NTM: variants seen among roughly 807,000 people sequenced by gnomAD.
NTM encodes the protein IgLON family member 2.
A neutral mutation model predicts 42.1 loss-of-function variants in NTM; 13 were observed. The observed-to-expected ratio is 0.31, with a 90% CI of 0.20 to 0.49. NTM has a LOEUF of 0.49. Among genes scored for constraint, NTM ranks in the 20% least tolerant of loss-of-function variants. The pLI is 0.99. For synonymous variants in NTM, 187 were observed against 179.2 expected, an observed-to-expected ratio of 1.04 and a Z score of -0.35; for missense variants, 373 against 452.8, an observed-to-expected ratio of 0.82 and a Z score of 1.60.
intron 1 of NTM, among the ~76,000 whole-genome samples, chr11:131,568,418 CTT>C (rs1233908818): frequency 6.6e-6 from 1 of 152,218 alleles, no homozygotes; most frequent in Non-Finnish European, 1.5e-5. Flanking sequence ...AAGCTAAGCT[CTT>C]TGCCCAAAGT....
intron 3 of NTM, among the ~76,000 whole-genome samples, chr11:132,169,375 ACC>A (rs1164443965): frequency 5.7e-5 from 6 of 105,720 alleles, no homozygotes; most frequent in Non-Finnish European, 1.0e-4. Flanking sequence ...TCACTCTGTC[ACC>A]CAGGCTGGAG....
chr11:132,219,062 A>AC (rs1284807661), intron 4 of NTM, among the ~76,000 whole-genome samples: 1 of 151,952 alleles, frequency 6.6e-6, no homozygotes, highest in Non-Finnish European at 1.5e-5. Context: ...TTCTCCACAC[A>AC]CCACAGTCAC....
At chr11:132,109,794 C>A (rs1228125231) in intron 2 of NTM, among the ~76,000 whole-genome samples, 1 of 152,192 alleles carries the variant, frequency 6.6e-6, no homozygotes, top group Non-Finnish European at 1.5e-5. Flanking sequence ...CCTCACCTCC[C>A]TCCCACTCTT....
At chr11:131,606,282 T>C (rs2060951598) in intron 1 of NTM, among the ~76,000 whole-genome samples, 1 of 152,156 alleles carries the variant, frequency 6.6e-6, no homozygotes, top group Non-Finnish European at 1.5e-5. Context: ...TCCCGAACTC[T>C]TGGCCTCAAG....
intron 1 of NTM, among the ~76,000 whole-genome samples, chr11:131,891,180 C>T (rs1010836842): frequency 1.3e-5 from 2 of 152,140 alleles, no homozygotes; most frequent in South Asian, 4.1e-4. Flanking sequence ...TATGTTGACA[C>T]CCAACTATAT....
At chr11:131,773,559 G>T (rs543285302) in intron 1 of NTM, among the ~76,000 whole-genome samples, 2 of 152,236 alleles carry the variant, frequency 1.3e-5, no homozygotes, top group Admixed American at 1.3e-4. Context: ...ATTTTCTGTA[G>T]CTCCTTTTCA....
chr11:131,972,731 C>T (rs1237924277), intron 2 of NTM, among the ~76,000 whole-genome samples: 1 of 152,154 alleles, frequency 6.6e-6, no homozygotes, highest in Non-Finnish European at 1.5e-5. Context: ...TCTCAATAAC[C>T]ACCCTGGAAC....
intron 2 of NTM, among the ~76,000 whole-genome samples, chr11:132,066,828 C>T (rs1191133928): frequency 2.0e-5 from 3 of 152,274 alleles, no homozygotes; most frequent in African/African-American, 4.8e-5. Context: ...ATAATCTTCC[C>T]ATCTATGGAT....
chr11:131,803,400 C>G (rs1027513699), intron 1 of NTM, among the ~76,000 whole-genome samples: 1 of 152,000 alleles, frequency 6.6e-6, no homozygotes, highest in African/African-American at 2.4e-5. Flanking sequence ...GCTCTGCCTC[C>G]TGGGTTCAAG....
rs182790398 is a variant in NTM, at chr11:131,655,372, C to T, written c.83-256192C>T. ...ATTTCCAGACACTTGCTCCATCATC[C>T]GGGAGAAGATGCTAATTAGTAGCAT... On this transcript the variant is annotated intron_variant, in intron 1 of 8. Transcript: ENST00000683400. 3.9e-4 allele frequency among the ~76,000 whole-genome samples: 59 copies of T among 152,286 alleles called. No individual in the cohort carries two copies. In the East Asian group the frequency reaches 7.1e-3, roughly 18 times the overall value.
At chr11:131,633,158 TTTG>T (rs759101896) in intron 1 of NTM, among the ~76,000 whole-genome samples, 8 of 150,820 alleles carry the variant, frequency 5.3e-5, no homozygotes, top group Non-Finnish European at 1.0e-4. Context: ...ATTTATCATT[TTTG>T]TTGTTGTTAA....
At chr11:131,587,027 A>G (rs889415166) in intron 1 of NTM, among the ~76,000 whole-genome samples, 1 of 152,190 alleles carries the variant, frequency 6.6e-6, no homozygotes, top group Admixed American at 6.5e-5. Flanking sequence ...CTCAGAAAAG[A>G]GAAGGACACT....
rs532905084 is a variant in NTM, at chr11:131,614,161, G to A, written c.82+243273G>A. The stretch of plus-strand genomic sequence containing the variant: ...GAACTAGAAGCACAGACTTTAAGGA[G>A]CTGCCTCCCTCAGCGGGAGCTCCCT... On this transcript the variant is annotated intron_variant, in intron 1 of 8. Transcript: ENST00000683400. Among the ~76,000 whole-genome samples, 10 of 152,300 alleles carry A rather than the reference G, an allele frequency of 6.6e-5. No homozygotes were observed. In the East Asian group the frequency reaches 1.7e-3, roughly 27 times the overall value.
chr11:131,681,489 C>T lies in NTM; in HGVS notation c.83-230075C>T, dbSNP rs533367544. On this transcript the variant is annotated intron_variant, in intron 1 of 8. Coordinates refer to ENST00000683400, the MANE Select transcript of NTM (RefSeq NM_001352005.2). ...TGTTTCTGTGTCTGTGTGTATGTCT[C>T]CTTGTGTGTGTGAGCATGTGTTTCT... Among the ~76,000 whole-genome samples, 6 of 45,900 alleles carry T rather than the reference C, an allele frequency of 1.3e-4. 2 individuals carry two copies. The East Asian group carries it at 4.2e-3, about 32-fold the overall frequency. 30.1% of individuals were successfully genotyped at this position (45,900 alleles called of 152,430 possible).
intron 1 of NTM, among the ~76,000 whole-genome samples, chr11:131,480,131 C>CTT (rs55747636): frequency 4.5e-5 from 6 of 134,478 alleles, no homozygotes; most frequent in East Asian, 2.2e-4. Context: ...ATCTTGATTA[C>CTT]TTTTTTTTTT....
intron 1 of NTM, among the ~76,000 whole-genome samples, chr11:131,830,285 C>T (rs2042654161): frequency 6.6e-6 from 1 of 152,084 alleles, no homozygotes; most frequent in African/African-American, 2.4e-5. Context: ...TTTCTTCTAG[C>T]ATTCTTATAG....
intron 1 of NTM, chr11:131,533,772 A>G (rs1482221455): frequency 6.6e-6 from 1 of 152,274 alleles, no homozygotes; most frequent in African/African-American, 2.4e-5. Flanking sequence ...AGCTCACAAC[A>G]AGGGGAGAAG....
chr11:131,855,734 G>A (rs2046028263), intron 1 of NTM, among the ~76,000 whole-genome samples: 1 of 152,140 alleles, frequency 6.6e-6, no homozygotes, highest in South Asian at 2.1e-4. Flanking sequence ...AATATCAAAT[G>A]CAATTACATT....
In NTM at chr11:132,180,898, GA is replaced by G. The variant is rs374018298; in HGVS notation, c.401-31115del. ...GGCCCCTTCCTGGAAGAAGCTTCAG[GA>G]AAAAAAAATGGGGAGAAGATAAAAG... On this transcript the variant is annotated intron_variant, in intron 3 of 8. Transcript: ENST00000683400. 4.0e-5 allele frequency among the ~76,000 whole-genome samples: 6 copies of G among 149,442 alleles called. No individual in the cohort carries two copies. In the East Asian group the frequency reaches 7.8e-4, roughly 20 times the overall value.
Sources: allele counts gnomAD v4.1 joint callset (sites outside exome capture counted in the v4.1 genomes callset), GRCh38; gene constraint gnomAD v4.1.1; transcripts MANE v1.5; gene names NCBI Gene and HGNC (gene_info 2026-07-23, HGNC 2026-07-21).